NKAIN3: variants seen among roughly 807,000 people sequenced by gnomAD.
NKAIN3 encodes the protein sodium/potassium transporting ATPase interacting 3.
In NKAIN3, 25 loss-of-function variants were observed where a neutral mutation model predicts 30.2. The ratio of observed to expected loss-of-function variants is 0.83; its 90% CI spans 0.60 to 1.16. NKAIN3 has a LOEUF of 1.16. Ranked by LOEUF, NKAIN3 falls within the 50% of genes most tolerant of loss-of-function variation. The probability of loss-of-function intolerance (pLI) is 0.00; values close to 1 mark genes in which losing one functional copy is unlikely to be tolerated. For synonymous variants in NKAIN3, 91 were observed against 89.6 expected (o/e 1.02, Z -0.09); for missense variants, 225 against 254.1 (o/e 0.89, Z 0.78).
chr8:62,328,876 C>A (rs1043243524), intron 1 of NKAIN3, among the ~76,000 whole-genome samples: 1 of 152,060 alleles, frequency 6.6e-6, no homozygotes, highest in African/African-American at 2.4e-5. Flanking sequence ...CTGCTACACA[C>A]CCTTGGGCTA....
intron 1 of NKAIN3, among the ~76,000 whole-genome samples, chr8:62,383,270 T>C (rs967923225): frequency 6.6e-6 from 1 of 152,130 alleles, no homozygotes; most frequent in African/African-American, 2.4e-5. Context: ...TAGGCCTTTT[T>C]GTATGACCAA....
chr8:62,336,444 T>G (rs1476035577), intron 1 of NKAIN3, among the ~76,000 whole-genome samples: 1 of 152,000 alleles, frequency 6.6e-6, no homozygotes, highest in Non-Finnish European at 1.5e-5. Flanking sequence ...AGTAACATAT[T>G]TTCATTGTCT....
rs1468746421 is a variant in NKAIN3 at position 62,976,433 on chromosome 8, A to G, written c.*11026A>G. Among the ~76,000 whole-genome samples, 1 of 152,056 alleles carries G rather than the reference A, an allele frequency of 6.6e-6. No homozygotes were observed. The highest frequency in any genetic ancestry group is 1.5e-5 in the Non-Finnish European group (1 of 67,992). On this transcript the variant is annotated 3_prime_UTR_variant, in exon 7 of 7. Transcript: ENST00000623646. Reference sequence around the variant, plus strand: ...CTGTTGCATTGATCCTTTTACTATTATGTAATGGCCTTCTGTGTCTGTTTT... The same window carrying G: ...CTGTTGCATTGATCCTTTTACTATTGTGTAATGGCCTTCTGTGTCTGTTTT...
chr8:62,879,203 T>G (rs890347823), intron 4 of NKAIN3, among the ~76,000 whole-genome samples: 14 of 152,206 alleles, frequency 9.2e-5, no homozygotes, highest in African/African-American at 3.4e-4. Context: ...TGATCGCCAT[T>G]CTAACTGGTG....
At chr8:62,375,646 G>A (rs1817055273) in intron 1 of NKAIN3, among the ~76,000 whole-genome samples, 1 of 152,082 alleles carries the variant, frequency 6.6e-6, no homozygotes, top group Admixed American at 6.6e-5. Flanking sequence ...GACAGAAGAT[G>A]ACATTTCATA....
At chr8:62,931,582 T>C (rs1213955186) in intron 5 of NKAIN3, among the ~76,000 whole-genome samples, 1 of 152,210 alleles carries the variant, frequency 6.6e-6, no homozygotes, top group East Asian at 1.9e-4. Context: ...TTTCTATATG[T>C]TCAGGAATTT....
chr8:62,368,033 T>C (rs147374008), intron 1 of NKAIN3, among the ~76,000 whole-genome samples: 198 of 152,254 alleles, frequency 1.3e-3, no homozygotes, highest in African/African-American at 4.3e-3. Context: ...AAAAGACCTG[T>C]ACACTGAAAG....
chr8:62,967,003 T>A lies in NKAIN3; in HGVS notation c.*1596T>A, dbSNP rs1378683991. On this transcript the variant is annotated 3_prime_UTR_variant, in exon 7 of 7. Transcript: ENST00000623646. The stretch of plus-strand genomic sequence containing the variant: ...GCTCATCACAACCACAGTGAGCCAT[T>A]TGGAGACCTAATTTACTCACTAGCC... Among the ~76,000 whole-genome samples, 1 of 152,224 alleles carries A rather than the reference T, an allele frequency of 6.6e-6. No individual in the cohort carries two copies. Among genetic ancestry groups the A allele is most frequent in the African/African-American group, 2.4e-5 (1 of 41,458 alleles).
At chr8:62,375,170 T>A (rs1267384034) in intron 1 of NKAIN3, among the ~76,000 whole-genome samples, 2 of 152,200 alleles carry the variant, frequency 1.3e-5, no homozygotes, top group Non-Finnish European at 2.9e-5. Context: ...AGCCTCTGGA[T>A]CATAAGCATG....
At chr8:62,734,152 G>T (rs1241722815) in intron 3 of NKAIN3, among the ~76,000 whole-genome samples, 1 of 152,092 alleles carries the variant, frequency 6.6e-6, no homozygotes, top group African/African-American at 2.4e-5. Context: ...GTGTGGTGGT[G>T]CACAACCGTA....
In NKAIN3 at chr8:62,731,234, GACACAC is replaced by G. The variant is rs67571816; in HGVS notation, c.274-15663_274-15658del. 7.6e-3 allele frequency among the ~76,000 whole-genome samples: 1,084 copies of G among 143,498 alleles called. 6 individuals carry two copies. Among genetic ancestry groups the G allele is most frequent in the African/African-American group, 0.016 (637 of 38,768 alleles). 94.1% of individuals were successfully genotyped at this position (143,498 alleles called of 152,430 possible). ...CCATTTCAGTGGACAGGGATCACAG[GACACAC>G]ACACACACACACACACACACACACA... is the stretch of plus-strand genomic sequence containing the variant. On this transcript the variant is annotated intron_variant, in intron 3 of 6. Coordinates refer to ENST00000623646, the MANE Select transcript of NKAIN3 (RefSeq NM_001304533.3).
At position 62,781,662 on chromosome 8, in the gene NKAIN3, A is replaced by C. The variant is rs543101952; in HGVS notation, c.471+34533A>C. 3.9e-5 allele frequency among the ~76,000 whole-genome samples: 6 copies of C among 152,080 alleles called. No individual in the cohort carries two copies. The East Asian group carries it at 5.8e-4, about 15-fold the overall frequency. On this transcript the variant is annotated intron_variant, in intron 4 of 6. Coordinates refer to ENST00000623646, the MANE Select transcript of NKAIN3 (RefSeq NM_001304533.3). ...ACTGATATTTCATAAAGCCTCCAAG[A>C]ACATACACTGGGTAAAATAAACCGT...
chr8:62,363,207 A>G (rs929469549), intron 1 of NKAIN3, among the ~76,000 whole-genome samples: 2 of 152,182 alleles, frequency 1.3e-5, no homozygotes, highest in Non-Finnish European at 2.9e-5. Context: ...TCTGACACAT[A>G]CTTGGTAACG....
intron 1 of NKAIN3, among the ~76,000 whole-genome samples, chr8:62,267,286 T>C (rs957042294): frequency 6.6e-6 from 1 of 152,240 alleles, no homozygotes; most frequent in African/African-American, 2.4e-5. Context: ...ATCATTCAAT[T>C]TGATTTTCCT....
At chr8:62,639,218 G>A (rs1812229433) in intron 3 of NKAIN3, among the ~76,000 whole-genome samples, 1 of 152,148 alleles carries the variant, frequency 6.6e-6, no homozygotes, top group Non-Finnish European at 1.5e-5. Context: ...TTGGGAAGAA[G>A]CTTCCAGTGA....
At chr8:62,750,239 G>A (rs1294690760) in intron 4 of NKAIN3, among the ~76,000 whole-genome samples, 2 of 151,946 alleles carry the variant, frequency 1.3e-5, no homozygotes, top group Non-Finnish European at 2.9e-5. Flanking sequence ...AGGGACTGAC[G>A]GAGGTGGCCA....
intron 1 of NKAIN3, among the ~76,000 whole-genome samples, chr8:62,456,178 C>G (rs189745186): frequency 1.8e-4 from 27 of 152,254 alleles, no homozygotes; most frequent in African/African-American, 6.3e-4. Context: ...ACTAAAACCA[C>G]AGAAAGCAAA....
At chr8:62,325,950 T>C (rs1815106517) in intron 1 of NKAIN3, among the ~76,000 whole-genome samples, 1 of 152,066 alleles carries the variant, frequency 6.6e-6, no homozygotes, top group Non-Finnish European at 1.5e-5. Context: ...TCCCACTCTG[T>C]GGGTAGTCTG....
intron 1 of NKAIN3, among the ~76,000 whole-genome samples, chr8:62,476,882 T>C (rs1806537090): frequency 1.3e-5 from 2 of 152,132 alleles, no homozygotes; most frequent in Admixed American, 1.3e-4. Flanking sequence ...TGTGGCCCCT[T>C]TAAATTGTCA....
Sources: allele counts gnomAD v4.1 joint callset (sites outside exome capture counted in the v4.1 genomes callset), GRCh38; gene constraint gnomAD v4.1.1; transcripts MANE v1.5; gene names NCBI Gene and HGNC (gene_info 2026-07-23, HGNC 2026-07-21).